IL31RA: variants seen among roughly 807,000 people sequenced by gnomAD.
IL31RA encodes interleukin-31 receptor subunit alpha.
Under a neutral mutation model 83.7 loss-of-function variants are expected in IL31RA, and 66 were observed. The observed-to-expected ratio is 0.79, with a 90% CI of 0.65 to 0.97. The LOEUF is 0.97. Among genes scored for constraint, IL31RA ranks in the 50% least tolerant of loss-of-function variants. IL31RA has a pLI of 0.00. For synonymous variants in IL31RA, 325 were observed against 329.0 expected (o/e 0.99, Z 0.13); for missense variants, 798 against 919.4 (o/e 0.87, Z 1.71).
intron 1 of IL31RA, among the ~76,000 whole-genome samples, chr5:55,858,055 T>C (rs1009266559): frequency 2.0e-5 from 3 of 152,136 alleles, no homozygotes; most frequent in Admixed American, 6.5e-5. Flanking sequence ...TTTTTTAAAT[T>C]TCACAAATAA....
At chr5:55,898,009 G>A (rs1234589878) in intron 7 of IL31RA, among the ~76,000 whole-genome samples, 4 of 152,224 alleles carry the variant, frequency 2.6e-5, no homozygotes, top group Non-Finnish European at 4.4e-5. Context: ...CACCCGCAGG[G>A]CTATGGGACT....
In IL31RA at chr5:55,922,420, A is replaced by G. The variant is rs770037189; in HGVS notation, c.*5300A>G. The G allele has an allele frequency of 6.4e-7, 1 of 1,550,936 alleles. No individual in the cohort carries two copies. The highest frequency in any genetic ancestry group is 8.7e-7 in the Non-Finnish European group (1 of 1,146,814). On this transcript the variant is annotated 3_prime_UTR_variant, in exon 15 of 15. Coordinates refer to ENST00000652347, the MANE Select transcript of IL31RA (RefSeq NM_139017.7). ...GGACTAGAATTCTGTCTTCCTGCCC[A>G]ACTTCAATATAAGTGTGGACTAAAA...
At position 55,903,074 on chromosome 5, in the gene IL31RA, C is replaced by T. The variant is rs974732907; in HGVS notation, c.1069+2942C>T. 9.9e-5 allele frequency among the ~76,000 whole-genome samples: 15 copies of T among 152,208 alleles called. No homozygotes were observed. The highest frequency in any genetic ancestry group is 1.9e-4 in the East Asian group (1 of 5,200). ...GGTTATTGACCTGTGCGGGCCTCCA[C>T]GTTCCCCTCTTGGAATAAGGGCTTG... On this transcript the variant is annotated intron_variant, in intron 8 of 14. Coordinates refer to ENST00000652347, the MANE Select transcript of IL31RA (RefSeq NM_139017.7). The surrounding 1 kb of genome is among the most constrained non-coding windows in gnomAD (Gnocchi z 4.7).
intron 2 of IL31RA, among the ~76,000 whole-genome samples, chr5:55,868,140 GT>G (rs1218500217): frequency 6.6e-6 from 1 of 152,186 alleles, no homozygotes; most frequent in Non-Finnish European, 1.5e-5. Flanking sequence ...CAGTAGGTTA[GT>G]GAAAATTAAA....
At chr5:55,853,545 G>A in intron 1 of IL31RA, 1 of 1,550,970 alleles carries the variant, frequency 6.4e-7, no homozygotes, top group African/African-American at 1.4e-5. Flanking sequence ...GAACATCTGT[G>A]GAACATCCCC....
rs985272721 is a variant in IL31RA, at chr5:55,903,114, C to T, written c.1069+2982C>T. Among the ~76,000 whole-genome samples, 1 of 152,204 alleles carries T rather than the reference C, an allele frequency of 6.6e-6. No individual in the cohort carries two copies. The highest frequency in any genetic ancestry group is 2.4e-5 in the African/African-American group (1 of 41,456). On this transcript the variant is annotated intron_variant, in intron 8 of 14. Coordinates refer to ENST00000652347, the MANE Select transcript of IL31RA (RefSeq NM_139017.7). The surrounding 1 kb of genome is among the most constrained non-coding windows in gnomAD (Gnocchi z 4.7). ...ATAAGGGCTTGGAATGAGGTTCCTT[C>T]TGCTCAGCACGCCCTGGGTTTTGTG...
chr5:55,921,921 G>A lies in IL31RA; in HGVS notation c.*4801G>A, dbSNP rs535252336. ...TTGACTATTTAAAATACTTGTTTTT[G>A]TAGGGCATCTGAAAAAGAAATTTCA... On this transcript the variant is annotated 3_prime_UTR_variant, in exon 15 of 15. Coordinates refer to ENST00000652347, the MANE Select transcript of IL31RA (RefSeq NM_139017.7). Among the ~76,000 whole-genome samples, 1 of 152,210 alleles carries A rather than the reference G, an allele frequency of 6.6e-6. No homozygotes were observed. The highest frequency in any genetic ancestry group is 2.4e-5 in the African/African-American group (1 of 41,516).
At chr5:55,859,447 G>T (rs1291253142) in intron 1 of IL31RA, 62 bp from the exon 2 acceptor site, 2 of 1,192,092 alleles carry the variant, frequency 1.7e-6, no homozygotes, top group East Asian at 4.7e-5. Flanking sequence ...ATTTGCCATT[G>T]GAAATAGAGC....
At chr5:55,859,253 G>A (rs538341012) in intron 1 of IL31RA, among the ~76,000 whole-genome samples, 1 of 152,256 alleles carries the variant, frequency 6.6e-6, no homozygotes, top group East Asian at 1.9e-4. Flanking sequence ...CACATTCTTG[G>A]TAGTTGGTAT....
chr5:55,872,378 C>T lies in IL31RA; in HGVS notation c.381C>T (p.Thr127=), dbSNP rs777290625. 8 of 1,611,234 alleles carry T rather than the reference C, an allele frequency of 5.0e-6. No individual in the cohort carries two copies. Among genetic ancestry groups the T allele is most frequent in the Middle Eastern group, 1.7e-4 (1 of 6,048 alleles). The change falls in exon 4 of 15, where the codon ACC becomes ACT. Residue 127 remains threonine (T), a synonymous_variant. Coordinates refer to ENST00000652347, the MANE Select transcript of IL31RA (RefSeq NM_139017.7). Reference sequence around the variant, plus strand: ...GAATAACGATCCCAGATAATTATACCATTGAGGTGGAAGCTGAAAATGGAG... The same window carrying T: ...GAATAACGATCCCAGATAATTATACTATTGAGGTGGAAGCTGAAAATGGAG... ...LPRITIPDNY[T]IEVEAENGDG...
chr5:55,893,132 A>G (rs1748116515), intron 6 of IL31RA, among the ~76,000 whole-genome samples: 1 of 152,220 alleles, frequency 6.6e-6, no homozygotes, highest in Admixed American at 6.5e-5. Context: ...TATTAGAGTT[A>G]CTTACCTATA....
chr5:55,917,786 G>C lies in IL31RA; in HGVS notation c.*666G>C. ...CTACTAAAAAATCAAGGAATGGGGA[G>C]GGCCCTGGGGAATGTATGCTGCCGG... is the stretch of plus-strand genomic sequence containing the variant. On this transcript the variant is annotated 3_prime_UTR_variant, in exon 15 of 15. Transcript: ENST00000652347. Among the ~76,000 whole-genome samples the C allele has an allele frequency of 6.6e-6, 1 of 152,204 alleles. No individual in the cohort carries two copies.
At chr5:55,896,109 A>G (rs539521412) in intron 6 of IL31RA, among the ~76,000 whole-genome samples, 1 of 152,210 alleles carries the variant, frequency 6.6e-6, no homozygotes, top group African/African-American at 2.4e-5. Context: ...CTTTTCCTTT[A>G]TCTTACATTA....
rs1380234561 is a variant in IL31RA, at chr5:55,920,854, C to T, written c.*3734C>T. 7.2e-5 allele frequency among the ~76,000 whole-genome samples: 11 copies of T among 152,160 alleles called. No individual in the cohort carries two copies. The highest frequency in any genetic ancestry group is 3.8e-4 in the East Asian group (2 of 5,202). ...AAGGTCGAGAGTTGGTGGCTTACAC[C>T]AGTGGTCTTTCAACAGGAGTGATTT... On this transcript the variant is annotated 3_prime_UTR_variant, in exon 15 of 15. Coordinates refer to ENST00000652347, the MANE Select transcript of IL31RA (RefSeq NM_139017.7).
rs548260717 is a variant in IL31RA at position 55,908,133 on chromosome 5, A to G, written c.1355-132A>G. The stretch of plus-strand genomic sequence containing the variant: ...TTTTCCCAAACAAGCTGATTCATCA[A>G]TTCCCTACTCAACCCTCACCCGTCG... On this transcript the variant is annotated intron_variant, in intron 10 of 14. Coordinates refer to ENST00000652347, the MANE Select transcript of IL31RA (RefSeq NM_139017.7). 33 of 1,256,490 alleles carry G rather than the reference A, an allele frequency of 2.6e-5. No individual in the cohort carries two copies. In the East Asian group the frequency reaches 5.1e-4, roughly 19 times the overall value. 77.8% of individuals were successfully genotyped at this position (1,256,490 alleles called of 1,614,324 possible).
rs559810413 is a variant in IL31RA at position 55,861,476 on chromosome 5, G to A, written c.154+1877G>A. On this transcript the variant is annotated intron_variant, in intron 2 of 14. Transcript: ENST00000652347. Reference sequence around the variant, plus strand: ...TATGAGGGATCTATTAATAGGTTGTGTGCTCCTTATGATAATCTAATGCCT... The same window carrying A: ...TATGAGGGATCTATTAATAGGTTGTATGCTCCTTATGATAATCTAATGCCT... 3.3e-5 allele frequency among the ~76,000 whole-genome samples: 5 copies of A among 152,292 alleles called. No homozygotes were observed. In the South Asian group the frequency reaches 6.2e-4, roughly 19 times the overall value.
intron 10 of IL31RA, 63 bp from the exon 11 acceptor site, chr5:55,908,202 G>A: frequency 6.2e-7 from 1 of 1,607,828 alleles, no homozygotes; most frequent in Non-Finnish European, 8.5e-7. Flanking sequence ...CAGGGCCTTT[G>A]TGGGGGAACG....
At chr5:55,885,899 G>A (rs1287204749) in intron 5 of IL31RA, among the ~76,000 whole-genome samples, 1 of 152,172 alleles carries the variant, frequency 6.6e-6, no homozygotes, top group East Asian at 1.9e-4. Flanking sequence ...CCGTGAACCT[G>A]AGAAACTTCT....
intron 4 of IL31RA, among the ~76,000 whole-genome samples, chr5:55,882,741 C>T (rs1306559990): frequency 6.6e-6 from 1 of 151,946 alleles, no homozygotes; most frequent in Non-Finnish European, 1.5e-5. Flanking sequence ...GAGAGACAGC[C>T]TATTTTCTGG....
Sources: gnomAD v4.1 joint callset for allele counts (sites outside exome capture counted in the v4.1 genomes callset) on GRCh38, gnomAD v4.1.1 for gene constraint, Gnocchi (gnomAD v3.1) non-coding constraint, MANE v1.5 for transcripts, NCBI Gene and HGNC (gene_info 2026-07-23, HGNC 2026-07-21) for gene names.